UGT1A9: variants seen among roughly 807,000 people sequenced by gnomAD.
UGT1A9 encodes the protein UDP glucuronosyltransferase family 1 member A9.
In UGT1A9, 35 loss-of-function variants were observed where a neutral mutation model predicts 45.0. The ratio of observed to expected loss-of-function variants is 0.78; its 90% CI spans 0.59 to 1.03. UGT1A9 has a LOEUF of 1.03. Ranked by LOEUF, UGT1A9 falls within the 50% of genes least tolerant of loss-of-function variation. The pLI is 0.00. For synonymous variants in UGT1A9, 278 were observed against 250.6 expected (o/e 1.11, Z -1.03); for missense variants, 687 against 666.6 (o/e 1.03, Z -0.34).
intron 1 of UGT1A9, chr2:233,743,659 G>A (rs1692418215): frequency 1.5e-6 from 2 of 1,367,268 alleles, no homozygotes; most frequent in Non-Finnish European, 2.0e-6. Context: ...CGTACTCGAA[G>A]GGGTCCTCGA....
chr2:233,755,271 C>CATAG, intron 1 of UGT1A9: 1 of 755,820 alleles, frequency 1.3e-6, no homozygotes. Flanking sequence ...GTCCACTATG[C>CATAG]TGGACTGCCA....
At position 233,769,501 on chromosome 2, in the gene UGT1A9, A is replaced by G. The variant is rs773053251; in HGVS notation, c.1295+1062A>G. 30 of 1,612,628 alleles carry G rather than the reference A, an allele frequency of 1.9e-5. No homozygotes were observed. In the Admixed American group the frequency reaches 4.8e-4, roughly 26 times the overall value. ...TGTGCGTGTGTTTATGAGAGTGTCCATTGCTTTCTCCCATGGTTACCTCCT... is the reference window on the plus strand; with the variant it reads ...TGTGCGTGTGTTTATGAGAGTGTCCGTTGCTTTCTCCCATGGTTACCTCCT... On this transcript the variant is annotated intron_variant, in intron 4 of 4. Transcript: ENST00000354728. This position sits in a 1 kb window ranked among gnomAD's most constrained non-coding sequence, Gnocchi z 4.4.
At chr2:233,747,302 A>C (rs1182136395) in intron 1 of UGT1A9, 17 of 1,602,464 alleles carry the variant, frequency 1.1e-5, no homozygotes, top group Non-Finnish European at 1.5e-5. Flanking sequence ...GAGAGTGGGA[A>C]GGTGCTGGTG....
At position 233,767,942 on chromosome 2, in the gene UGT1A9, T is replaced by A; in HGVS notation, c.1075+6T>A. On this transcript the variant is annotated splice_donor_region_variant and intron_variant, in intron 3 of 4. Transcript: ENST00000354728. ...ACCCCAAAACGATCTGCTTGGTATG[T>A]TGGGCGGATTGGATGTATAGGTCAA... is the stretch of plus-strand genomic sequence containing the variant. 1 of 1,614,210 alleles carries A rather than the reference T, an allele frequency of 6.2e-7. No individual in the cohort carries two copies. The highest frequency in any genetic ancestry group is 1.3e-5 in the African/African-American group (1 of 75,040).
chr2:233,742,567 C>T (rs1045281711), intron 1 of UGT1A9, among the ~76,000 whole-genome samples: 3 of 151,796 alleles, frequency 2.0e-5, no homozygotes, highest in East Asian at 1.9e-4. Flanking sequence ...AGCTTCTGGC[C>T]GGAATTGGGG....
intron 1 of UGT1A9, among the ~76,000 whole-genome samples, chr2:233,763,591 A>G (rs1698352933): frequency 6.6e-6 from 1 of 152,190 alleles, no homozygotes; most frequent in Non-Finnish European, 1.5e-5. Flanking sequence ...TCCTTTGTTA[A>G]CTAAAAATGC....
At chr2:233,686,703 C>T (rs1289178074) in intron 1 of UGT1A9, among the ~76,000 whole-genome samples, 1 of 152,174 alleles carries the variant, frequency 6.6e-6, no homozygotes, top group Non-Finnish European at 1.5e-5. Flanking sequence ...CTCTGGCCTG[C>T]ACCCTCCCAC....
intron 1 of UGT1A9, chr2:233,761,148 C>G: frequency 6.2e-7 from 1 of 1,614,128 alleles, no homozygotes; most frequent in South Asian, 1.1e-5. Flanking sequence ...ATCCACTATC[C>G]CAGGTGTGTA....
intron 1 of UGT1A9, among the ~76,000 whole-genome samples, chr2:233,730,802 A>T (rs1344398093): frequency 1.3e-5 from 2 of 152,196 alleles, no homozygotes; most frequent in Non-Finnish European, 2.9e-5. Flanking sequence ...ATGAATGGAC[A>T]TGCGTCCAAG....
Position 233,672,802 on chromosome 2 carries a change from T to C in UGT1A9, c.855+13T>C. The stretch of plus-strand genomic sequence containing the variant: ...GCCGTTGCCTATGGTAAGTTATCTC[T>C]CCTTTAGCACCTTAAGAATACTTCA... On this transcript the variant is annotated intron_variant, in intron 1 of 4. Transcript: ENST00000354728. 1 of 1,611,824 alleles carries C rather than the reference T, an allele frequency of 6.2e-7. No individual in the cohort carries two copies. Among genetic ancestry groups the C allele is most frequent in the Non-Finnish European group, 8.5e-7 (1 of 1,178,444 alleles).
At chr2:233,740,911 C>A (rs1291553695) in intron 1 of UGT1A9, 2 of 130,742 alleles carry the variant, frequency 1.5e-5, no homozygotes, top group Non-Finnish European at 1.6e-5. Context: ...CAACATTGTT[C>A]CCATCTCCAC....
At chr2:233,736,896 C>T (rs1212789655) in intron 1 of UGT1A9, among the ~76,000 whole-genome samples, 1 of 152,186 alleles carries the variant, frequency 6.6e-6, no homozygotes, top group Non-Finnish European at 1.5e-5. Context: ...GCTGCCTGAT[C>T]CTTCCTCTGG....
chr2:233,741,211 A>G (rs764528916), intron 1 of UGT1A9, among the ~76,000 whole-genome samples: 2 of 151,912 alleles, frequency 1.3e-5, no homozygotes, highest in African/African-American at 2.4e-5. Flanking sequence ...AACTAGCCAG[A>G]GTTGTTACAG....
chr2:233,694,889 T>C (rs2075246653), intron 1 of UGT1A9, among the ~76,000 whole-genome samples: 1 of 152,252 alleles, frequency 6.6e-6, no homozygotes, highest in Non-Finnish European at 1.5e-5. Context: ...GGGGGGTTCA[T>C]GTGATATTTT....
intron 1 of UGT1A9, chr2:233,693,782 G>T (rs1430331548): frequency 3.1e-6 from 5 of 1,614,078 alleles, no homozygotes; most frequent in Non-Finnish European, 4.2e-6. Context: ...ATATGACTTT[G>T]TGCTTGAATA....
chr2:233,682,442 G>T (rs1559339683), intron 1 of UGT1A9: 1 of 1,613,664 alleles, frequency 6.2e-7, no homozygotes, highest in East Asian at 2.2e-5. Context: ...TGTGGTCTTC[G>T]CCAGGGGAAT....
chr2:233,684,179 T>C (rs564811964), intron 1 of UGT1A9, among the ~76,000 whole-genome samples: 4 of 152,296 alleles, frequency 2.6e-5, no homozygotes, highest in African/African-American at 4.8e-5. Flanking sequence ...GGCAGATGTT[T>C]GGTGAAAGAG....
chr2:233,702,037 CA>C (rs1227411871), intron 1 of UGT1A9, among the ~76,000 whole-genome samples: 3 of 152,160 alleles, frequency 2.0e-5, no homozygotes, highest in South Asian at 2.1e-4. Context: ...AAAAACCCTT[CA>C]AAAAATTAAC....
At chr2:233,706,052 G>A (rs1005743022) in intron 1 of UGT1A9, among the ~76,000 whole-genome samples, 4 of 152,128 alleles carry the variant, frequency 2.6e-5, no homozygotes, top group Admixed American at 1.3e-4. Flanking sequence ...CCGAGATCAC[G>A]CCACTGCATG....
Sources: allele counts gnomAD v4.1 joint callset (sites outside exome capture counted in the v4.1 genomes callset), GRCh38; gene constraint gnomAD v4.1.1; non-coding constraint Gnocchi (gnomAD v3.1); transcripts MANE v1.5; gene names NCBI Gene and HGNC (gene_info 2026-07-23, HGNC 2026-07-21).